Variants in CDH23 observed in about 807,000 individuals in gnomAD.
CDH23 encodes cadherin-23.
A neutral mutation model predicts 317.1 loss-of-function variants in CDH23; 189 were observed. That is an observed-to-expected ratio of 0.60 (90% CI 0.53 to 0.67). The LOEUF (loss-of-function observed/expected upper bound fraction) is 0.67, where lower values mean the gene tolerates loss of function less well. Ranked by LOEUF, CDH23 falls within the 30% of genes least tolerant of loss-of-function variation. The pLI, the probability that CDH23 is intolerant of heterozygous loss-of-function variation, is 0.00. For synonymous variants in CDH23, 1,839 were observed against 1,876.8 expected (o/e 0.98, Z 0.52); for missense variants, 4,401 against 4,592.4 (o/e 0.96, Z 1.20).
At position 71,778,295 on chromosome 10, in the gene CDH23, C is replaced by T; in HGVS notation, c.5174C>T (p.Thr1725Ile). Residue 1725 changes from threonine to isoleucine, a missense_variant, in exon 40 of 70, where the codon ACC (threonine) becomes ATC (isoleucine). By Grantham distance (89) the Thr-to-Ile change is moderately conservative. Transcript: ENST00000224721. ...TGCCCCATCTTATCCCACCGCCTCACCTCTACCACCACGGTGGGTGCATGG... is the reference window on the plus strand; with the variant it reads ...TGCCCCATCTTATCCCACCGCCTCATCTCTACCACCACGGTGGGTGCATGG... ...DQCPILSHRL[T>I]STTTVLVNVN... 1 of 1,613,980 alleles carries T rather than the reference C, an allele frequency of 6.2e-7. No individual in the cohort carries two copies. The highest frequency in any genetic ancestry group is 8.5e-7 in the Non-Finnish European group (1 of 1,179,894).
At chr10:71,445,565 G>A (rs1421989146) in intron 2 of CDH23, among the ~76,000 whole-genome samples, 2 of 152,204 alleles carry the variant, frequency 1.3e-5, no homozygotes, top group African/African-American at 4.8e-5. Flanking sequence ...GAGACAACGT[G>A]CGATGGCTCA....
intron 8 of CDH23, among the ~76,000 whole-genome samples, chr10:71,571,160 A>G (rs1857778298): frequency 6.6e-6 from 1 of 152,218 alleles, no homozygotes; most frequent in African/African-American, 2.4e-5. Context: ...AAAGGCTTCC[A>G]GGGCAAGTAA....
In CDH23 at chr10:71,643,912, G is replaced by A. The variant is rs763395490; in HGVS notation, c.1140+46G>A. The A allele has an allele frequency of 3.7e-5, 28 of 765,782 alleles. 1 individual carries two copies. The Admixed American group carries it at 4.1e-4, about 11-fold the overall frequency. 47.4% of individuals were successfully genotyped at this position (765,782 alleles called of 1,614,324 possible). On this transcript the variant is annotated intron_variant, in intron 12 of 69. Coordinates refer to ENST00000224721, the MANE Select transcript of CDH23 (RefSeq NM_022124.6). ...CAGGGGTTGGGCTTGGGGAGGGCTT[G>A]TGGTGGGCACAGTGGGGAGGGGCTT...
At chr10:71,679,669 C>T (rs1048166868) in intron 17 of CDH23, among the ~76,000 whole-genome samples, 177 bp downstream of exon 17, 4 of 152,206 alleles carry the variant, frequency 2.6e-5, no homozygotes, top group African/African-American at 7.2e-5. Context: ...GTCGCCCTTC[C>T]GTAGGGTCAA....
At chr10:71,616,802 T>C (rs898786000) in intron 10 of CDH23, among the ~76,000 whole-genome samples, 8 of 152,166 alleles carry the variant, frequency 5.3e-5, no homozygotes, top group African/African-American at 1.9e-4. Flanking sequence ...CTCAGTTAAG[T>C]CTTGATTAAC....
intron 15 of CDH23, among the ~76,000 whole-genome samples, chr10:71,675,471 G>A (rs1864321323): frequency 6.6e-6 from 1 of 152,178 alleles, no homozygotes; most frequent in South Asian, 2.1e-4. Flanking sequence ...TGAAGTACTA[G>A]CGACAGCACA....
chr10:71,403,853 G>A (rs1847972085), intron 1 of CDH23, among the ~76,000 whole-genome samples: 1 of 152,080 alleles, frequency 6.6e-6, no homozygotes, highest in African/African-American at 2.4e-5. Flanking sequence ...ACTTTGGGAG[G>A]CCGAGGTGGG....
At chr10:71,578,047 A>G in intron 9 of CDH23, 55 bp downstream of exon 9, 5 of 1,507,380 alleles carry the variant, frequency 3.3e-6, no homozygotes, top group Non-Finnish European at 4.5e-6. Flanking sequence ...CCACCCAAGG[A>G]GAGCCAGTAG....
At chr10:71,423,555 G>C (rs1848909122) in intron 1 of CDH23, among the ~76,000 whole-genome samples, 1 of 152,168 alleles carries the variant, frequency 6.6e-6, no homozygotes, top group African/African-American at 2.4e-5. Context: ...CCAACCAGCA[G>C]CTCCAGGGGG....
At chr10:71,401,598 C>G (rs1425558071) in intron 1 of CDH23, among the ~76,000 whole-genome samples, 1 of 152,252 alleles carries the variant, frequency 6.6e-6, no homozygotes, top group East Asian at 1.9e-4. Flanking sequence ...GGCATCTGCT[C>G]TCGGACATTT....
At chr10:71,513,072 T>A (rs1424111165) in intron 6 of CDH23, among the ~76,000 whole-genome samples, 3 of 152,178 alleles carry the variant, frequency 2.0e-5, no homozygotes, top group African/African-American at 7.2e-5. Flanking sequence ...GCCTGCATGA[T>A]ACCCATCTGA....
Position 71,785,675 on chromosome 10 carries a change from C to A in CDH23, c.5757C>A (p.Ile1919=), listed in dbSNP as rs991704256. Residue 1919 remains isoleucine, a synonymous_variant, in exon 44 of 70, where the codon ATC becomes ATA. Coordinates refer to ENST00000224721, the MANE Select transcript of CDH23 (RefSeq NM_022124.6). ...ACCGGCCCCTGGACCGCGAGCGGAT[C>A]CCAGAGTACAAGCTGACCATTTCTG... The part of the protein sequence containing the change: ...TVNRPLDRER[I]PEYKLTISVK... 1 of 1,608,516 alleles carries A rather than the reference C, an allele frequency of 6.2e-7. No homozygotes were observed. Among genetic ancestry groups the A allele is most frequent in the African/African-American group, 1.3e-5 (1 of 74,790 alleles).
intron 38 of CDH23, among the ~76,000 whole-genome samples, chr10:71,753,997 T>C (rs888522174): frequency 3.3e-5 from 5 of 152,214 alleles, no homozygotes; most frequent in Admixed American, 3.3e-4. Context: ...CAAAGCAGGA[T>C]GGAAATCCAC....
chr10:71,589,612 G>A (rs139386783), intron 9 of CDH23, among the ~76,000 whole-genome samples: 47 of 152,200 alleles, frequency 3.1e-4, no homozygotes, highest in Non-Finnish European at 4.6e-4. Flanking sequence ...ACACACTTTC[G>A]GAGGTTAGGA....
rs186063405 is a variant in CDH23, at chr10:71,803,960, G to C, written c.7872+540G>C. Among the ~76,000 whole-genome samples, 101 of 142,012 alleles carry C rather than the reference G, an allele frequency of 7.1e-4. 1 individual carries two copies. The highest frequency in any genetic ancestry group is 2.7e-3 in the African/African-American group (100 of 37,528). The allele number at this position is 142,012 out of a possible 152,430, so 93.2% of individuals were successfully genotyped here. A position where few individuals can be genotyped will look rare whatever the true frequency, so the allele number is the denominator to read the frequency against. ...AGATCACACCACTACACTCCAGCCC[G>C]GGCAACAGAGTGAGACTTTGTCAAA... On this transcript the variant is annotated intron_variant, in intron 55 of 69. Transcript: ENST00000224721.
chr10:71,751,838 G>A lies in CDH23; in HGVS notation c.4845+9917G>A, dbSNP rs779853858. ...GGCAGGTGGTGAGGCTTCAAAGCCG[G>A]GGTTTTCAATCCCTTGAATGTTGCT... On this transcript the variant is annotated intron_variant, in intron 38 of 69. Coordinates refer to ENST00000224721, the MANE Select transcript of CDH23 (RefSeq NM_022124.6). This position sits in a 1 kb window ranked among gnomAD's most constrained non-coding sequence, Gnocchi z 4.9. 3 of 1,563,404 alleles carry A rather than the reference G, an allele frequency of 1.9e-6. No homozygotes were observed. Among genetic ancestry groups the A allele is most frequent in the Non-Finnish European group, 2.6e-6 (3 of 1,154,640 alleles).
intron 9 of CDH23, among the ~76,000 whole-genome samples, chr10:71,611,311 G>A (rs1206855613): frequency 6.6e-6 from 1 of 152,190 alleles, no homozygotes; most frequent in Non-Finnish European, 1.5e-5. Context: ...TCTGGGTTCA[G>A]GGCCCTGTGT....
Position 71,645,844 on chromosome 10 carries a change from T to C in CDH23, c.1154T>C (p.Met385Thr), listed in dbSNP as rs1862821643. The change falls in exon 13 of 70, where the codon ATG becomes ACG. Residue 385 changes from methionine to threonine, a missense_variant. Around this residue, in one of 3 missense-constraint regions of CDH23, gnomAD observed 3,068 missense variants for 3,203.3 expected, o/e 0.96. Transcript: ENST00000224721. ...CTCTTGACCCAGGGCCTGAACAGCA[T>C]GTTTGAGGTGTACTTGGTGGGGAAC... The part of the protein sequence containing the change: ...DKDENLGLNS[M>T]FEVYLVGNNS... The C allele has an allele frequency of 6.2e-7, 1 of 1,611,500 alleles. No homozygotes were observed. The highest frequency in any genetic ancestry group is 8.5e-7 in the Non-Finnish European group (1 of 1,177,934).
chr10:71,706,339 T>C (rs952981763), intron 25 of CDH23, among the ~76,000 whole-genome samples: 1 of 152,170 alleles, frequency 6.6e-6, no homozygotes, highest in African/African-American at 2.4e-5. Context: ...CGTTGCATGC[T>C]GAGGGTAGAC....
Sources: allele counts gnomAD v4.1 joint callset (sites outside exome capture counted in the v4.1 genomes callset), GRCh38; gene constraint gnomAD v4.1.1; regional missense constraint gnomAD v4.1.1; non-coding constraint Gnocchi (gnomAD v3.1); transcripts MANE v1.5; gene names NCBI Gene and HGNC (gene_info 2026-07-23, HGNC 2026-07-21).